RBFOX1: variants seen among roughly 807,000 people sequenced by gnomAD.
RBFOX1 encodes RNA binding fox-1 homolog 1, also known as RNA binding protein fox-1 homolog 1.
RBFOX1 carries 8 observed loss-of-function variants against 57.7 expected under a neutral mutation model. The observed-to-expected ratio is 0.14, with a 90% CI of 0.08 to 0.25. The LOEUF (loss-of-function observed/expected upper bound fraction) is 0.25. RBFOX1 is among the 10% of genes least tolerant of loss of function. RBFOX1 has a pLI of 1.00. For missense variants in RBFOX1, 611 were observed against 548.5 expected, an observed-to-expected ratio of 1.11 and a Z score of -1.14; for synonymous variants, 326 against 222.4, an observed-to-expected ratio of 1.47 and a Z score of -4.15.
At chr16:5,843,677 G>A (rs1049849096) in intron 3 of RBFOX1, among the ~76,000 whole-genome samples, 7 of 152,158 alleles carry the variant, frequency 4.6e-5, no homozygotes, top group African/African-American at 1.7e-4. Flanking sequence ...CTTGAAGCAA[G>A]GTAGCCATGT....
chr16:5,857,264 G>C (rs7201016), intron 3 of RBFOX1, among the ~76,000 whole-genome samples: 21,016 of 152,172 alleles, frequency 0.14, 1,832 homozygotes, highest in Non-Finnish European at 0.19. Context: ...TATGGGAGAA[G>C]TTCACAGCAC....
intron 2 of RBFOX1, among the ~76,000 whole-genome samples, chr16:6,407,664 C>T (rs1196715619): frequency 1.3e-5 from 2 of 151,670 alleles, no homozygotes; most frequent in Non-Finnish European, 2.9e-5. Flanking sequence ...TTATAGTTCC[C>T]AGGAGAGACT....
At chr16:6,739,461 T>C (rs2071395809) in intron 3 of RBFOX1, among the ~76,000 whole-genome samples, 1 of 151,898 alleles carries the variant, frequency 6.6e-6, no homozygotes, top group South Asian at 2.1e-4. Flanking sequence ...GAAATTGAAT[T>C]CATAATTTAA....
chr16:6,844,763 C>A (rs934495730), intron 3 of RBFOX1, among the ~76,000 whole-genome samples: 1 of 152,134 alleles, frequency 6.6e-6, no homozygotes, highest in African/African-American at 2.4e-5. Context: ...AATTGTTAGA[C>A]CATCTTCTGC....
intron 2 of RBFOX1, among the ~76,000 whole-genome samples, chr16:6,377,285 A>AAAAAAG (rs1555448030): frequency 6.7e-5 from 10 of 148,754 alleles, no homozygotes; most frequent in Non-Finnish European, 1.0e-4. Flanking sequence ...AAAAAAAAAA[A>AAAAAAG]AAAAAGAAAA....
intron 1 of RBFOX1, among the ~76,000 whole-genome samples, chr16:6,265,257 G>C (rs994285487): frequency 3.3e-5 from 5 of 150,926 alleles, no homozygotes; most frequent in Non-Finnish European, 7.4e-5. Flanking sequence ...TTGTTTTTTT[G>C]TTTGTTTGTT....
intron 4 of RBFOX1, among the ~76,000 whole-genome samples, chr16:7,407,167 G>A (rs913588351): frequency 3.9e-5 from 6 of 152,128 alleles, no homozygotes; most frequent in African/African-American, 1.4e-4. Flanking sequence ...CATCACCAGA[G>A]CAGTATACAC....
At chr16:7,541,833 G>A (rs988283363) in intron 5 of RBFOX1, among the ~76,000 whole-genome samples, 5 of 152,214 alleles carry the variant, frequency 3.3e-5, no homozygotes, top group Non-Finnish European at 7.3e-5. Flanking sequence ...TGAGGATGAA[G>A]TGGGATGATG....
chr16:6,887,688 A>T (rs1369798734), intron 3 of RBFOX1, among the ~76,000 whole-genome samples: 1 of 149,408 alleles, frequency 6.7e-6, no homozygotes, highest in Non-Finnish European at 1.5e-5. Flanking sequence ...TTTGAGGCAG[A>T]GTCTCACTCT....
intron 2 of RBFOX1, among the ~76,000 whole-genome samples, chr16:6,649,782 A>G (rs961438632): frequency 6.6e-6 from 1 of 152,148 alleles, no homozygotes; most frequent in African/African-American, 2.4e-5. Context: ...GTAGTATTCC[A>G]TTTTATATAT....
At chr16:5,849,624 T>C (rs2056842685) in intron 3 of RBFOX1, among the ~76,000 whole-genome samples, 1 of 152,082 alleles carries the variant, frequency 6.6e-6, no homozygotes, top group South Asian at 2.1e-4. Flanking sequence ...AGTCAGGAAA[T>C]CTGGAAGTGC....
At chr16:6,049,938 T>TA (rs934463586) in intron 1 of RBFOX1, among the ~76,000 whole-genome samples, 4 of 147,768 alleles carry the variant, frequency 2.7e-5, no homozygotes, top group Non-Finnish European at 4.5e-5. Context: ...TTTACTCTGT[T>TA]AAAAAAAAGC....
intron 3 of RBFOX1, among the ~76,000 whole-genome samples, chr16:5,854,711 C>G (rs1164535071): frequency 6.6e-6 from 1 of 152,070 alleles, no homozygotes; most frequent in East Asian, 1.9e-4. Context: ...GTGCACATAT[C>G]TTTGAGATAC....
intron 14 of RBFOX1, among the ~76,000 whole-genome samples, chr16:7,699,378 A>G (rs562377112): frequency 6.6e-6 from 1 of 152,284 alleles, no homozygotes; most frequent in African/African-American, 2.4e-5. Flanking sequence ...TTTTTGAAGA[A>G]ATGGGGTCTT....
intron 1 of RBFOX1, among the ~76,000 whole-genome samples, chr16:5,383,558 C>A (rs763190520): frequency 3.3e-5 from 5 of 152,306 alleles, no homozygotes; most frequent in African/African-American, 1.2e-4. Flanking sequence ...ACTTTCTGAG[C>A]CTCAGTTTCT....
At chr16:7,175,802 C>T (rs745908324) in intron 4 of RBFOX1, among the ~76,000 whole-genome samples, 3 of 152,150 alleles carry the variant, frequency 2.0e-5, no homozygotes, top group Non-Finnish European at 4.4e-5. Flanking sequence ...AGTCTCTGCA[C>T]ATGTTTCTCA....
intron 3 of RBFOX1, among the ~76,000 whole-genome samples, chr16:5,607,352 C>G (rs902215446): frequency 6.6e-6 from 1 of 152,194 alleles, no homozygotes; most frequent in Non-Finnish European, 1.5e-5. Flanking sequence ...GGAAGTTGGA[C>G]TTGCTGGGAC....
chr16:5,495,498 AT>A, intron 2 of RBFOX1, among the ~76,000 whole-genome samples: 1 of 152,144 alleles, frequency 6.6e-6, no homozygotes. Context: ...TCAACATGAG[AT>A]TTTGGTGGGA....
At chr16:6,370,155 G>A (rs1600211507) in intron 2 of RBFOX1, among the ~76,000 whole-genome samples, 1 of 151,928 alleles carries the variant, frequency 6.6e-6, no homozygotes, top group African/African-American at 2.4e-5. Context: ...TCAGGAGATC[G>A]AGACCGTCCT....
Sources: allele counts gnomAD v4.1 joint callset (sites outside exome capture counted in the v4.1 genomes callset), GRCh38; gene constraint gnomAD v4.1.1; transcripts MANE v1.5; gene names NCBI Gene and HGNC (gene_info 2026-07-23, HGNC 2026-07-21).